THSD4: variants seen among roughly 807,000 people sequenced by gnomAD.
THSD4 encodes the protein thrombospondin type-1 domain-containing protein 4.
In THSD4, 69 loss-of-function variants were observed where a neutral mutation model predicts 119.0. The observed-to-expected ratio is 0.58, with a 90% CI of 0.48 to 0.71. The LOEUF (loss-of-function observed/expected upper bound fraction) is 0.71. Among genes scored for constraint, THSD4 ranks in the 30% least tolerant of loss-of-function variants. The pLI is 0.00. For missense variants in THSD4, 1,393 were observed against 1,391.1 expected (o/e 1.00, Z -0.02); for synonymous variants, 524 against 540.4 (o/e 0.97, Z 0.42).
At chr15:71,575,771 A>G (rs1442863334) in intron 7 of THSD4, among the ~76,000 whole-genome samples, 1 of 152,204 alleles carries the variant, frequency 6.6e-6, no homozygotes. Context: ...CAACAACGAC[A>G]ACAACAACAA....
intron 1 of THSD4, among the ~76,000 whole-genome samples, chr15:71,103,442 C>G (rs2040261677): frequency 6.6e-6 from 1 of 152,122 alleles, no homozygotes; most frequent in Admixed American, 6.6e-5. Context: ...GACTTAAGCT[C>G]CCTACTCTCC....
chr15:71,191,556 A>G (rs112192240), intron 3 of THSD4, among the ~76,000 whole-genome samples: 379 of 152,294 alleles, frequency 2.5e-3, no homozygotes, highest in African/African-American at 8.5e-3. Context: ...ATGAATCAGT[A>G]GGCAGGATTA....
chr15:71,395,719 G>A (rs1258207505), intron 6 of THSD4, among the ~76,000 whole-genome samples: 3 of 151,972 alleles, frequency 2.0e-5, no homozygotes, highest in African/African-American at 7.3e-5. Context: ...TTCAGCTTGG[G>A]CCACAGAACA....
intron 10 of THSD4, among the ~76,000 whole-genome samples, chr15:71,736,504 GCTCT>G (rs1032929175): frequency 8.0e-5 from 11 of 138,174 alleles, no homozygotes; most frequent in South Asian, 2.4e-4. Flanking sequence ...TCTCTGTCTT[GCTCT>G]CTCTATCTGT....
At chr15:71,592,637 T>C (rs962942264) in intron 7 of THSD4, among the ~76,000 whole-genome samples, 1 of 151,850 alleles carries the variant, frequency 6.6e-6, no homozygotes. Context: ...CTTTTATAGA[T>C]AGGTCTGGGA....
intron 7 of THSD4, chr15:71,547,759 C>T (rs112613905): frequency 4.0e-4 from 110 of 276,930 alleles, no homozygotes; most frequent in African/African-American, 2.4e-3. Context: ...GTAGCACGCA[C>T]GCTTCTCCTG....
chr15:71,588,034 C>T (rs1000701132), intron 7 of THSD4, among the ~76,000 whole-genome samples: 3 of 151,960 alleles, frequency 2.0e-5, no homozygotes, highest in East Asian at 3.9e-4. Context: ...TGGCCGGGCG[C>T]GGTGGCTCAC....
At position 71,527,204 on chromosome 15, in the gene THSD4, G is replaced by C. The variant is rs1310566019; in HGVS notation, c.1152+115381G>C. On this transcript the variant is annotated intron_variant, in intron 7 of 17. Coordinates refer to ENST00000261862, the MANE Select transcript of THSD4 (RefSeq NM_024817.3). ...GACGGGGCCCTCACCAGACACCAAA[G>C]CTGCTGGAGCCTTGATCTTGAACTT... Among the ~76,000 whole-genome samples, 3 of 152,148 alleles carry C rather than the reference G, an allele frequency of 2.0e-5. No homozygotes were observed. In the South Asian group the frequency reaches 6.3e-4, roughly 32 times the overall value.
intron 6 of THSD4, among the ~76,000 whole-genome samples, chr15:71,278,691 C>G (rs1055328539): frequency 3.9e-5 from 6 of 152,014 alleles, no homozygotes; most frequent in Non-Finnish European, 8.8e-5. Flanking sequence ...TCGATTGTGC[C>G]AGTCTGAAAT....
chr15:71,167,747 T>C (rs2043307885), intron 3 of THSD4, among the ~76,000 whole-genome samples: 1 of 152,186 alleles, frequency 6.6e-6, no homozygotes. Context: ...CATTATTAAT[T>C]TGTGTACACT....
intron 6 of THSD4, among the ~76,000 whole-genome samples, chr15:71,407,601 T>TA (rs1023433750): frequency 6.6e-6 from 1 of 151,714 alleles, no homozygotes; most frequent in South Asian, 2.1e-4. Context: ...CCAGCATTTT[T>TA]TTTTTTCATG....
At chr15:71,477,409 G>T (rs896477382) in intron 7 of THSD4, among the ~76,000 whole-genome samples, 2 of 152,154 alleles carry the variant, frequency 1.3e-5, no homozygotes, top group African/African-American at 4.8e-5. Flanking sequence ...GCAGGCCCTG[G>T]GTATTGAATT....
intron 6 of THSD4, among the ~76,000 whole-genome samples, chr15:71,287,988 T>C (rs1252867353): frequency 5.3e-5 from 8 of 152,236 alleles, no homozygotes; most frequent in African/African-American, 1.4e-4. Flanking sequence ...AGTAACTTTA[T>C]ACACGACGCG....
In THSD4 at chr15:71,624,633, C is replaced by A. The variant is rs575595398; in HGVS notation, c.1153-35897C>A. ...ATCCAATCCTGTTTTCACACCTGCC[C>A]TCTTTTTTTTATGATGCCTTGTTCA... On this transcript the variant is annotated intron_variant, in intron 7 of 17. Coordinates refer to ENST00000261862, the MANE Select transcript of THSD4 (RefSeq NM_024817.3). Among the ~76,000 whole-genome samples the A allele has an allele frequency of 4.2e-5, 6 of 143,086 alleles. No homozygotes were observed. In the East Asian group the frequency reaches 1.0e-3, roughly 25 times the overall value. 93.9% of individuals were successfully genotyped at this position (143,086 alleles called of 152,430 possible).
chr15:71,513,255 G>C (rs540133354), intron 7 of THSD4, among the ~76,000 whole-genome samples: 1 of 152,218 alleles, frequency 6.6e-6, no homozygotes, highest in East Asian at 1.9e-4. Flanking sequence ...GTACATAGCG[G>C]GATTGTTACT....
At chr15:71,236,705 T>C (rs139537524) in intron 4 of THSD4, among the ~76,000 whole-genome samples, 73 of 152,346 alleles carry the variant, frequency 4.8e-4, no homozygotes, top group African/African-American at 1.5e-3. Flanking sequence ...GTCATTGTAG[T>C]AGGCTATAGG....
intron 6 of THSD4, among the ~76,000 whole-genome samples, chr15:71,349,127 C>T (rs891727886): frequency 5.9e-5 from 9 of 152,156 alleles, no homozygotes; most frequent in African/African-American, 2.2e-4. Flanking sequence ...AGCTTCAAAT[C>T]CCATTTCAAT....
chr15:71,199,453 G>T (rs1039569218), intron 3 of THSD4, among the ~76,000 whole-genome samples: 4 of 110,748 alleles, frequency 3.6e-5, no homozygotes, highest in Non-Finnish European at 6.0e-5. Context: ...GTGTGTGTGT[G>T]GGGGGGGGTG....
chr15:71,624,745 C>G (rs574387570), intron 7 of THSD4, among the ~76,000 whole-genome samples: 5 of 152,284 alleles, frequency 3.3e-5, no homozygotes, highest in African/African-American at 1.2e-4. Flanking sequence ...CATATGGTGG[C>G]ATGAAGTCAT....
Sources: gnomAD v4.1 joint callset for allele counts (sites outside exome capture counted in the v4.1 genomes callset) on GRCh38, gnomAD v4.1.1 for gene constraint, MANE v1.5 for transcripts, NCBI Gene and HGNC (gene_info 2026-07-23, HGNC 2026-07-21) for gene names.